EMCN: variants seen among roughly 807,000 people sequenced by gnomAD.
The protein encoded by EMCN is endomucin.
Under a neutral mutation model 38.4 loss-of-function variants are expected in EMCN, and 37 were observed. The ratio of observed to expected loss-of-function variants is 0.96; its 90% CI spans 0.74 to 1.27. EMCN has a LOEUF of 1.27. Ranked by LOEUF, EMCN falls within the 50% of genes most tolerant of loss-of-function variation. EMCN has a pLI of 0.00. For missense variants in EMCN, 318 were observed against 302.8 expected, an observed-to-expected ratio of 1.05 and a Z score of -0.37; for synonymous variants, 95 against 100.8, an observed-to-expected ratio of 0.94 and a Z score of 0.35.
In EMCN at chr4:100,517,930, T is replaced by C; in HGVS notation, c.-16A>G. Reference sequence around the variant, plus strand: ...GCAGTTCCATGGTGCCCGTAGATGGTGTCAATATCTTCTTTCTCCAGAAGC... The same window carrying C: ...GCAGTTCCATGGTGCCCGTAGATGGCGTCAATATCTTCTTTCTCCAGAAGC... On this transcript the variant is annotated 5_prime_UTR_variant, in exon 1 of 12. Coordinates refer to ENST00000296420, the MANE Select transcript of EMCN (RefSeq NM_016242.4). 1 of 1,611,872 alleles carries C rather than the reference T, an allele frequency of 6.2e-7. No homozygotes were observed. The highest frequency in any genetic ancestry group is 1.1e-5 in the South Asian group (1 of 91,020).
At chr4:100,499,809 C>T (rs1361758884) in intron 1 of EMCN, among the ~76,000 whole-genome samples, 1 of 152,186 alleles carries the variant, frequency 6.6e-6, no homozygotes, top group Non-Finnish European at 1.5e-5. Context: ...ATACCTTTAA[C>T]TGCTAAAATA....
At chr4:100,502,426 T>G (rs954322223) in intron 1 of EMCN, among the ~76,000 whole-genome samples, 2 of 152,314 alleles carry the variant, frequency 1.3e-5, no homozygotes, top group South Asian at 2.1e-4. Flanking sequence ...AAAAAATGAT[T>G]TGGGGGCTGC....
At chr4:100,433,559 A>G (rs967076067) in intron 5 of EMCN, among the ~76,000 whole-genome samples, 5 of 150,556 alleles carry the variant, frequency 3.3e-5, no homozygotes, top group Non-Finnish European at 7.4e-5. Context: ...TTTTTATTTG[A>G]CAGTCTCACT....
At chr4:100,505,112 C>A (rs2110304688) in intron 1 of EMCN, among the ~76,000 whole-genome samples, 1 of 152,316 alleles carries the variant, frequency 6.6e-6, no homozygotes, top group East Asian at 1.9e-4. Flanking sequence ...ACCCACATGA[C>A]CTTACCTATC....
chr4:100,459,602 A>G (rs555212697), intron 4 of EMCN, among the ~76,000 whole-genome samples: 2 of 152,222 alleles, frequency 1.3e-5, no homozygotes, highest in South Asian at 4.1e-4. Context: ...TCCAGCTTCT[A>G]GTAACTACCA....
At chr4:100,445,187 G>GT (rs912264766) in intron 5 of EMCN, among the ~76,000 whole-genome samples, 28 of 152,194 alleles carry the variant, frequency 1.8e-4, no homozygotes, top group Non-Finnish European at 3.8e-4. Context: ...ATTATTTTTA[G>GT]TTTTTTGTGG....
At chr4:100,452,438 G>A (rs1337883981) in intron 4 of EMCN, among the ~76,000 whole-genome samples, 1 of 151,960 alleles carries the variant, frequency 6.6e-6, no homozygotes, top group Non-Finnish European at 1.5e-5. Context: ...ACCCTTAAAG[G>A]TGTTCCTATC....
chr4:100,453,526 G>T (rs1238381623), intron 4 of EMCN, among the ~76,000 whole-genome samples: 2 of 152,150 alleles, frequency 1.3e-5, no homozygotes, highest in Non-Finnish European at 1.5e-5. Flanking sequence ...GAAACAACAG[G>T]TGCTGGAGAG....
intron 1 of EMCN, among the ~76,000 whole-genome samples, chr4:100,514,745 C>T (rs1355030798): frequency 1.3e-5 from 2 of 152,044 alleles, no homozygotes; most frequent in Non-Finnish European, 2.9e-5. Flanking sequence ...AATTCCCTTC[C>T]TCTAGAACCT....
At chr4:100,484,961 C>T (rs77776060) in intron 1 of EMCN, among the ~76,000 whole-genome samples, 1,544 of 152,182 alleles carry the variant, frequency 0.01, 18 homozygotes, top group African/African-American at 0.035. Context: ...ATGGAATGCA[C>T]TTGCCCTCTG....
intron 10 of EMCN, among the ~76,000 whole-genome samples, chr4:100,412,522 T>C (rs1726592334): frequency 6.6e-6 from 1 of 152,156 alleles, no homozygotes; most frequent in Non-Finnish European, 1.5e-5. Context: ...AGTGAGATAA[T>C]GTGTATTAAC....
intron 1 of EMCN, 34 bp downstream of exon 1, chr4:100,517,817 T>C: frequency 1.2e-6 from 2 of 1,605,432 alleles, no homozygotes; most frequent in Non-Finnish European, 1.7e-6. Flanking sequence ...TGATTTCCAA[T>C]CCGTACCACC....
At chr4:100,487,005 AG>A in intron 1 of EMCN, 1 of 985,250 alleles carries the variant, frequency 1.0e-6, no homozygotes. Flanking sequence ...TATTATAGCC[AG>A]TTTGGTTGAG....
At chr4:100,410,106 C>A (rs1027922745) in intron 11 of EMCN, among the ~76,000 whole-genome samples, 176 bp downstream of exon 11, 5 of 152,190 alleles carry the variant, frequency 3.3e-5, no homozygotes, top group Non-Finnish European at 4.4e-5. Flanking sequence ...CCAGGTCATT[C>A]ATTTTTTGGC....
intron 2 of EMCN, among the ~76,000 whole-genome samples, chr4:100,477,971 T>C (rs533495830): frequency 6.6e-6 from 1 of 152,324 alleles, no homozygotes; most frequent in African/African-American, 2.4e-5. Flanking sequence ...CCTTTATTAC[T>C]GTATACTAAT....
intron 10 of EMCN, among the ~76,000 whole-genome samples, chr4:100,412,815 G>A (rs1017308543): frequency 6.6e-6 from 1 of 152,034 alleles, no homozygotes; most frequent in African/African-American, 2.4e-5. Flanking sequence ...CTTATTCAAC[G>A]AAGAATATAT....
chr4:100,485,817 T>G (rs942743097), intron 1 of EMCN, among the ~76,000 whole-genome samples: 1 of 152,002 alleles, frequency 6.6e-6, no homozygotes, highest in Non-Finnish European at 1.5e-5. Flanking sequence ...ATGCAGCAAA[T>G]TTTTTCAGTT....
intron 4 of EMCN, among the ~76,000 whole-genome samples, chr4:100,453,716 T>C (rs1166016116): frequency 1.3e-5 from 2 of 152,080 alleles, no homozygotes; most frequent in Non-Finnish European, 2.9e-5. Flanking sequence ...TAAAGACACA[T>C]GCACACGTAT....
intron 3 of EMCN, among the ~76,000 whole-genome samples, chr4:100,468,104 T>G (rs558426822): frequency 1.3e-5 from 2 of 152,286 alleles, no homozygotes; most frequent in South Asian, 4.1e-4. Flanking sequence ...AGACAAAACA[T>G]AATGAATTTA....
Sources: allele counts gnomAD v4.1 joint callset (sites outside exome capture counted in the v4.1 genomes callset), GRCh38; gene constraint gnomAD v4.1.1; transcripts MANE v1.5; gene names NCBI Gene and HGNC (gene_info 2026-07-23, HGNC 2026-07-21).